Variants in UBR2 observed in about 807,000 individuals in gnomAD.
UBR2 encodes the protein E3 ubiquitin-protein ligase UBR2.
A neutral mutation model predicts 247.9 loss-of-function variants in UBR2; 92 were observed. That is an observed-to-expected ratio of 0.37 (90% CI 0.31 to 0.44). The LOEUF (loss-of-function observed/expected upper bound fraction) is 0.44. UBR2 is among the 20% of genes least tolerant of loss of function. The pLI, the probability that UBR2 is intolerant of heterozygous loss-of-function variation, is 1.00. For synonymous variants in UBR2, 672 were observed against 693.5 expected (o/e 0.97, Z 0.49); for missense variants, 1,613 against 2,112.6 (o/e 0.76, Z 4.64).
chr6:42,644,198 TAA>T lies in UBR2; in HGVS notation c.2098-3_2098-2del, dbSNP rs762436980. On this transcript the variant is annotated splice_polypyrimidine_tract_variant and intron_variant, in intron 18 of 46. Coordinates refer to ENST00000372901, the MANE Select transcript of UBR2 (RefSeq NM_001363705.2). ...TCCTCTTTTCCTTTATCTCAAACAT[TAA>T]AAAAAAAAAAAAGACAGGTGTCTCC... 2.1e-3 allele frequency: 2,967 copies of T among 1,381,606 alleles called. No individual in the cohort carries two copies. The highest frequency in any genetic ancestry group is 5.4e-3 in the South Asian group (404 of 74,558). 85.6% of individuals were successfully genotyped at this position (1,381,606 alleles called of 1,614,324 possible).
intron 2 of UBR2, among the ~76,000 whole-genome samples, chr6:42,580,627 C>G (rs1791822779): frequency 6.6e-6 from 1 of 152,100 alleles, no homozygotes; most frequent in Non-Finnish European, 1.5e-5. Flanking sequence ...GCAGCCTCCG[C>G]CTCCTGGGTT....
intron 38 of UBR2, 151 bp from the exon 39 acceptor site, chr6:42,675,905 C>T (rs566162349): frequency 4.1e-5 from 41 of 994,554 alleles, no homozygotes; most frequent in South Asian, 1.3e-4. Context: ...TGCAGTGAAC[C>T]GAGGTTGCGC....
At chr6:42,673,770 A>G (rs1024290492) in intron 36 of UBR2, 21 bp from the exon 37 acceptor site, 27 of 1,593,662 alleles carry the variant, frequency 1.7e-5, no homozygotes, top group Non-Finnish European at 2.2e-5. Context: ...GTTTTTTGTT[A>G]ATTGCGTTGG....
intron 1 of UBR2, among the ~76,000 whole-genome samples, chr6:42,572,711 G>A (rs557770993): frequency 6.6e-6 from 1 of 151,572 alleles, no homozygotes; most frequent in Non-Finnish European, 1.5e-5. Context: ...TAGCAGAAGT[G>A]AGTCTTTTTT....
chr6:42,633,705 TTTTTTTGTTTG>T (rs1447148226), intron 13 of UBR2, among the ~76,000 whole-genome samples: 5 of 148,270 alleles, frequency 3.4e-5, no homozygotes, highest in Admixed American at 6.8e-5. Context: ...TTTGGGGTTG[TTTTTTTGTTTG>T]TTTTTTGTTT....
chr6:42,613,698 A>G (rs1237989518), intron 8 of UBR2, among the ~76,000 whole-genome samples: 1 of 152,172 alleles, frequency 6.6e-6, no homozygotes, highest in East Asian at 1.9e-4. Context: ...TAATGGAAGT[A>G]ATGTCCTGCT....
intron 11 of UBR2, among the ~76,000 whole-genome samples, chr6:42,621,359 T>C (rs1352587249): frequency 6.6e-6 from 1 of 152,222 alleles, no homozygotes; most frequent in African/African-American, 2.4e-5. Context: ...TCTATCTTTG[T>C]GCCCCAGCTA....
chr6:42,582,111 G>A (rs907178127), intron 2 of UBR2, among the ~76,000 whole-genome samples: 1 of 151,736 alleles, frequency 6.6e-6, no homozygotes, highest in Non-Finnish European at 1.5e-5. Context: ...GTGAAACCCC[G>A]TCTCTACTAA....
chr6:42,646,535 T>C (rs573060527), intron 21 of UBR2, among the ~76,000 whole-genome samples: 13 of 152,234 alleles, frequency 8.5e-5, no homozygotes, highest in African/African-American at 2.9e-4. Flanking sequence ...TCTAAAACAG[T>C]GATTCTCAAC....
chr6:42,678,722 A>G, intron 41 of UBR2, 53 bp downstream of exon 41: 1 of 1,553,848 alleles, frequency 6.4e-7, no homozygotes. Flanking sequence ...CCTTTACTCC[A>G]GCAAATATAA....
chr6:42,640,784 C>T (rs555665764), intron 16 of UBR2, among the ~76,000 whole-genome samples: 1 of 152,010 alleles, frequency 6.6e-6, no homozygotes, highest in South Asian at 2.1e-4. Flanking sequence ...GGCTGGAATG[C>T]AGTGGCGCAA....
rs1219031722 is a variant in UBR2 at position 42,652,645 on chromosome 6, G to A, written c.2769G>A (p.Arg923=). ...GYAWSESMLQ[R]VLHLIGMALQ... ...CCTGGTCAGAGTCCATGCTGCAAAG[G>A]GTAGGTTTGAAGACATTTATTATTT... Residue 923 remains arginine (R), a splice_region_variant and synonymous_variant, in exon 25 of 47, where the codon AGG becomes AGA. Coordinates refer to ENST00000372901, the MANE Select transcript of UBR2 (RefSeq NM_001363705.2). 1.0e-5 allele frequency: 16 copies of A among 1,607,248 alleles called. No individual in the cohort carries two copies. The highest frequency in any genetic ancestry group is 2.2e-5 in the East Asian group (1 of 44,650).
intron 2 of UBR2, among the ~76,000 whole-genome samples, chr6:42,590,058 A>C (rs558871735): frequency 3.3e-5 from 5 of 152,160 alleles, no homozygotes; most frequent in Non-Finnish European, 5.9e-5. Flanking sequence ...CCTTTGTTCC[A>C]TTCCGAAGAC....
intron 25 of UBR2, among the ~76,000 whole-genome samples, chr6:42,653,866 C>T (rs958941200): frequency 3.9e-5 from 6 of 152,092 alleles, no homozygotes; most frequent in Admixed American, 2.6e-4. Context: ...ATCCACTCAC[C>T]TTGGCCTCCC....
chr6:42,652,253 C>T (rs545931487), intron 24 of UBR2, among the ~76,000 whole-genome samples, 182 bp downstream of exon 24: 1 of 152,232 alleles, frequency 6.6e-6, no homozygotes, highest in East Asian at 1.9e-4. Flanking sequence ...GTGCTAAGTC[C>T]TCTGGGTTGA....
At position 42,614,340 on chromosome 6, in the gene UBR2, G is replaced by GTATATA. The variant is rs1314022199; in HGVS notation, c.986-730_986-729insATATAT. Among the ~76,000 whole-genome samples, 182 of 83,972 alleles carry GTATATA rather than the reference G, an allele frequency of 2.2e-3. 2 individuals carry two copies. The highest frequency in any genetic ancestry group is 7.5e-3 in the African/African-American group (159 of 21,106). 55.1% of individuals were successfully genotyped at this position (83,972 alleles called of 152,430 possible). A position where few individuals can be genotyped will look rare whatever the true frequency, so the allele number is the denominator to read the frequency against. ...TATGTATATATGTGTATATGTGTATGTGTGTATGTATGTGTGTATATATGT... is the reference window on the plus strand; with the variant it reads ...TATGTATATATGTGTATATGTGTATGTATATATGTGTATGTATGTGTGTATATATGT... On this transcript the variant is annotated intron_variant, in intron 8 of 46. Coordinates refer to ENST00000372901, the MANE Select transcript of UBR2 (RefSeq NM_001363705.2).
intron 2 of UBR2, among the ~76,000 whole-genome samples, chr6:42,574,758 C>T (rs565828178): frequency 4.0e-5 from 6 of 150,878 alleles, no homozygotes; most frequent in Admixed American, 2.6e-4. Flanking sequence ...TGCAGTGGCG[C>T]GATCTCGGCT....
At chr6:42,586,976 C>T (rs779420794) in intron 2 of UBR2, among the ~76,000 whole-genome samples, 7 of 151,458 alleles carry the variant, frequency 4.6e-5, no homozygotes, top group Non-Finnish European at 8.8e-5. Context: ...ACCGCCACCA[C>T]GCCTGGCTAA....
intron 2 of UBR2, among the ~76,000 whole-genome samples, chr6:42,587,326 G>C (rs892655448): frequency 2.6e-5 from 4 of 152,022 alleles, no homozygotes; most frequent in Admixed American, 2.6e-4. Context: ...TATATTTGCA[G>C]TCTTTGTTGC....
Sources: allele counts gnomAD v4.1 joint callset (sites outside exome capture counted in the v4.1 genomes callset), GRCh38; gene constraint gnomAD v4.1.1; transcripts MANE v1.5; gene names NCBI Gene and HGNC (gene_info 2026-07-23, HGNC 2026-07-21).